ALK: variants seen among roughly 807,000 people sequenced by gnomAD.
ALK encodes ALK receptor tyrosine kinase.
Under a neutral mutation model 163.1 loss-of-function variants are expected in ALK, and 74 were observed. That is an observed-to-expected ratio of 0.45 (90% confidence interval 0.38 to 0.55). The LOEUF (loss-of-function observed/expected upper bound fraction) is 0.55, where lower values mean the gene tolerates loss of function less well. Ranked by LOEUF, ALK falls within the 20% of genes least tolerant of loss-of-function variation. ALK has a pLI of 0.00. For missense variants in ALK, 2,063 were observed against 2,105.3 expected, an observed-to-expected ratio of 0.98 and a Z score of 0.39; for synonymous variants, 960 against 843.2, an observed-to-expected ratio of 1.14 and a Z score of -2.40.
chr2:29,221,833 C>T (rs1015241924), intron 22 of ALK, among the ~76,000 whole-genome samples: 8 of 152,162 alleles, frequency 5.3e-5, no homozygotes, highest in African/African-American at 1.2e-4. Context: ...GCTGTCACAG[C>T]GGACGCCCTC....
chr2:29,223,833 T>C (rs1484324561), intron 19 of ALK: 1 of 469,754 alleles, frequency 2.1e-6, no homozygotes, highest in Non-Finnish European at 3.9e-6. Context: ...TTAGACCCAA[T>C]ATGGTCTGCA....
intron 1 of ALK, among the ~76,000 whole-genome samples, chr2:29,842,569 A>G (rs12479392): frequency 0.77 from 116,881 of 152,090 alleles, 45,441 homozygotes; most frequent in East Asian, 0.88. Flanking sequence ...CAGGTTAGTT[A>G]TGGTTAAGGG....
intron 3 of ALK, among the ~76,000 whole-genome samples, chr2:29,660,026 G>A (rs931022011): frequency 2.0e-5 from 3 of 152,084 alleles, no homozygotes; most frequent in Non-Finnish European, 4.4e-5. Context: ...CCCCACTTTC[G>A]GGACATGAAA....
At chr2:29,208,941 T>C (rs11127206) in intron 25 of ALK, among the ~76,000 whole-genome samples, 38,429 of 151,846 alleles carry the variant, frequency 0.25, 6,170 homozygotes, top group Non-Finnish European at 0.36. Flanking sequence ...TAAAATGTAG[T>C]CTTGAAAATG....
intron 1 of ALK, among the ~76,000 whole-genome samples, chr2:29,916,023 G>A (rs2148440338): frequency 6.6e-6 from 1 of 152,342 alleles, no homozygotes; most frequent in Non-Finnish European, 1.5e-5. Context: ...AAAGGCTCCA[G>A]GGTTTGGATC....
chr2:29,515,953 T>A (rs919965549), intron 4 of ALK, among the ~76,000 whole-genome samples: 4 of 152,128 alleles, frequency 2.6e-5, no homozygotes, highest in African/African-American at 7.2e-5. Context: ...ATTTTGGAAA[T>A]CCTATTTACA....
At chr2:29,250,315 T>C (rs1452275018) in intron 12 of ALK, among the ~76,000 whole-genome samples, 31 of 152,218 alleles carry the variant, frequency 2.0e-4, no homozygotes, top group Admixed American at 2.0e-3. Flanking sequence ...AAAACGAGGA[T>C]GGCAGCACTG....
chr2:29,670,862 C>A (rs920548334), intron 3 of ALK, among the ~76,000 whole-genome samples: 1 of 151,988 alleles, frequency 6.6e-6, no homozygotes, highest in African/African-American at 2.4e-5. Flanking sequence ...AAAACTATTT[C>A]AATCTTTTTG....
chr2:29,218,214 C>T (rs183262418), intron 23 of ALK, among the ~76,000 whole-genome samples: 1 of 152,316 alleles, frequency 6.6e-6, no homozygotes, highest in East Asian at 1.9e-4. Flanking sequence ...GACTGGGGTG[C>T]TGCCTGGGTG....
chr2:29,281,379 C>T (rs2148219710), intron 9 of ALK, among the ~76,000 whole-genome samples: 1 of 152,272 alleles, frequency 6.6e-6, no homozygotes, highest in East Asian at 1.9e-4. Context: ...GAAGCGTTAG[C>T]CCTTTGGGGT....
rs541231427 is a variant in ALK, at chr2:29,328,687, C to T, written c.1283-206G>A. 1.1e-4 allele frequency among the ~76,000 whole-genome samples: 16 copies of T among 152,318 alleles called. No individual in the cohort carries two copies. In the South Asian group the frequency reaches 1.5e-3, roughly 14 times the overall value. On this transcript the variant is annotated intron_variant, in intron 5 of 28. Coordinates refer to ENST00000389048, the MANE Select transcript of ALK (RefSeq NM_004304.5). Reference sequence around the variant, plus strand: ...CAGGGAGAGGGGTCAAAACCCCTCACGCTCATCCATGGCCTGCTGGGGTAT... The same window carrying T: ...CAGGGAGAGGGGTCAAAACCCCTCATGCTCATCCATGGCCTGCTGGGGTAT...
chr2:29,597,628 G>A lies in ALK; in HGVS notation c.953-65512C>T, dbSNP rs139874369. 5.1e-3 allele frequency among the ~76,000 whole-genome samples: 780 copies of A among 152,326 alleles called. 10 individuals are homozygous for A. The highest frequency in any genetic ancestry group is 0.017 in the African/African-American group (717 of 41,568). Reference sequence around the variant, plus strand: ...TCAACTGGTTTTGGTGATCTAACCAGCAATTTTGTCCATTTAGGAAAGATG... The same window carrying A: ...TCAACTGGTTTTGGTGATCTAACCAACAATTTTGTCCATTTAGGAAAGATG... On this transcript the variant is annotated intron_variant, in intron 3 of 28. Transcript: ENST00000389048.
chr2:29,792,342 T>C (rs549089391), intron 1 of ALK, among the ~76,000 whole-genome samples: 102 of 152,218 alleles, frequency 6.7e-4, no homozygotes, highest in Middle Eastern at 3.4e-3. Context: ...ATTTAATATG[T>C]AATAAATGGG....
rs758341143 is a variant in ALK, at chr2:29,383,713, G to A, written c.1282+19C>T. 6 of 1,613,900 alleles carry A rather than the reference G, an allele frequency of 3.7e-6. No homozygotes were observed. The Admixed American group carries it at 8.3e-5, about 22-fold the overall frequency. On this transcript the variant is annotated intron_variant, in intron 5 of 28. Transcript: ENST00000389048. ...CACAATAGGCTACCAAGGAGCGTGG[G>A]AAAGCCAGATTCAGATACCTTCACT...
intron 1 of ALK, among the ~76,000 whole-genome samples, chr2:29,904,497 C>T (rs1667489415): frequency 6.6e-6 from 1 of 151,942 alleles, no homozygotes; most frequent in South Asian, 2.1e-4. Context: ...GAGGGGAAAC[C>T]CCTTTATTAA....
chr2:29,361,227 C>T (rs2148286706), intron 5 of ALK, among the ~76,000 whole-genome samples: 1 of 152,334 alleles, frequency 6.6e-6, no homozygotes, highest in South Asian at 2.1e-4. Flanking sequence ...TTGTTAAAGA[C>T]CGTCCACATT....
At chr2:29,233,732 A>T in intron 13 of ALK, 36 bp from the exon 14 acceptor site, 1 of 1,614,046 alleles carries the variant, frequency 6.2e-7, no homozygotes, top group Non-Finnish European at 8.5e-7. Flanking sequence ...TTTGTGGCCA[A>T]ACCAGAGTTC....
chr2:29,367,189 G>A (rs866716557), intron 5 of ALK, among the ~76,000 whole-genome samples: 2 of 152,184 alleles, frequency 1.3e-5, no homozygotes, highest in Middle Eastern at 6.8e-3. Flanking sequence ...GGGTGACTGA[G>A]CAACCAGTGT....
At chr2:29,430,040 A>G (rs1323543122) in intron 4 of ALK, among the ~76,000 whole-genome samples, 2 of 152,164 alleles carry the variant, frequency 1.3e-5, no homozygotes, top group Non-Finnish European at 2.9e-5. Context: ...CTCATATAAG[A>G]TATAAAACTT....
Sources: gnomAD v4.1 joint callset for allele counts (sites outside exome capture counted in the v4.1 genomes callset) on GRCh38, gnomAD v4.1.1 for gene constraint, MANE v1.5 for transcripts, NCBI Gene and HGNC (gene_info 2026-07-23, HGNC 2026-07-21) for gene names.